The following MROH2B variants were observed in gnomAD, a reference collection of about 807,000 sequenced individuals.
The protein encoded by MROH2B is maestro heat-like repeat-containing protein family member 2B.
In MROH2B, 177 loss-of-function variants were observed where a neutral mutation model predicts 208.6. The ratio of observed to expected loss-of-function variants is 0.85; its 90% CI spans 0.75 to 0.96. The LOEUF (loss-of-function observed/expected upper bound fraction) is 0.96, where lower values mean the gene tolerates loss of function less well. Ranked by LOEUF, MROH2B falls within the 40% of genes least tolerant of loss-of-function variation. MROH2B has a pLI of 0.00. For synonymous variants in MROH2B, 728 were observed against 659.0 expected (o/e 1.10, Z -1.60); for missense variants, 2,002 against 1,878.7 (o/e 1.07, Z -1.21).
intron 33 of MROH2B, among the ~76,000 whole-genome samples, chr5:41,008,077 G>T (rs1318023886): frequency 2.0e-5 from 3 of 152,156 alleles, no homozygotes; most frequent in African/African-American, 7.2e-5. Flanking sequence ...GATGGGATAT[G>T]AAATGAAAAT....
intron 24 of MROH2B, among the ~76,000 whole-genome samples, chr5:41,030,937 A>G (rs529964894): frequency 5.3e-5 from 8 of 152,300 alleles, no homozygotes; most frequent in African/African-American, 1.7e-4. Context: ...CTAAAAACTA[A>G]GAAAAGTATG....
At chr5:41,016,498 G>GTTTTTTTTTTT (rs10689623) in intron 28 of MROH2B, among the ~76,000 whole-genome samples, 3 of 80,778 alleles carry the variant, frequency 3.7e-5, no homozygotes, top group Admixed American at 2.0e-4. Flanking sequence ...CTACTGTAAT[G>GTTTTTTTTTTT]TTTTTTTTTT....
At chr5:41,006,984 A>T (rs1252099580) in intron 34 of MROH2B, among the ~76,000 whole-genome samples, 1 of 149,476 alleles carries the variant, frequency 6.7e-6, no homozygotes, top group East Asian at 2.0e-4. Flanking sequence ...ACCTACTGAA[A>T]TAAAAAAATA....
intron 19 of MROH2B, among the ~76,000 whole-genome samples, chr5:41,040,074 G>A (rs1742895769): frequency 6.6e-6 from 1 of 152,138 alleles, no homozygotes; most frequent in Non-Finnish European, 1.5e-5. Flanking sequence ...GGAGGTGGCG[G>A]GTTCATTACA....
At chr5:41,009,849 A>G in intron 31 of MROH2B, 73 bp downstream of exon 31, 1 of 1,457,742 alleles carries the variant, frequency 6.9e-7, no homozygotes, top group Non-Finnish European at 9.2e-7. Context: ...TTGCTCTCAA[A>G]CCGTAAATCC....
At chr5:41,029,443 T>C (rs578189417) in intron 24 of MROH2B, among the ~76,000 whole-genome samples, 1 of 152,278 alleles carries the variant, frequency 6.6e-6, no homozygotes, top group South Asian at 2.1e-4. Flanking sequence ...TTGTTGACTA[T>C]TCCCTTTGTG....
At chr5:41,054,444 T>G (rs570376627) in intron 11 of MROH2B, among the ~76,000 whole-genome samples, 1 of 152,360 alleles carries the variant, frequency 6.6e-6, no homozygotes, top group South Asian at 2.1e-4. Flanking sequence ...AAGTAATTTT[T>G]AAACTATTTG....
At position 41,054,960 on chromosome 5, in the gene MROH2B, C is replaced by G; in HGVS notation, c.1034-120G>C. 4.9e-6 allele frequency: 3 copies of G among 617,920 alleles called. No individual in the cohort carries two copies. In the South Asian group the frequency reaches 1.1e-4, roughly 22 times the overall value. 38.3% of individuals were successfully genotyped at this position (617,920 alleles called of 1,614,324 possible). A position where few individuals can be genotyped will look rare whatever the true frequency, so the allele number is the denominator to read the frequency against. Reference sequence around the variant, plus strand: ...TTGTGAAATCTCTTGTTTTTAACAACCTATTTGTTTTTCAATGCCCTCCCA... The same window carrying G: ...TTGTGAAATCTCTTGTTTTTAACAAGCTATTTGTTTTTCAATGCCCTCCCA... On this transcript the variant is annotated intron_variant, in intron 10 of 41. Coordinates refer to ENST00000399564, the MANE Select transcript of MROH2B (RefSeq NM_173489.5).
At position 41,054,781 on chromosome 5, in the gene MROH2B, C is replaced by G. The variant is rs1300361832; in HGVS notation, c.1093G>C (p.Asp365His). Residue 365 changes from aspartate to histidine, a missense_variant, in exon 11 of 42, where the codon GAT (aspartate) becomes CAT (histidine). Physicochemically the swap from Asp to His is moderately conservative, Grantham distance 81. Transcript: ENST00000399564. ...AATTCTCTTACTTTTGTACTGAGAT[C>G]ACCCATGACGATTTTGACTGTTCTT... ...IERTVKIVMG[D>H]LSTKVRNSVL... 6.2e-7 allele frequency: 1 copy of G among 1,610,158 alleles called. No individual in the cohort carries two copies. The highest frequency in any genetic ancestry group is 8.5e-7 in the Non-Finnish European group (1 of 1,177,874).
rs1295610875 is a variant in MROH2B at position 41,038,731 on chromosome 5, A to G, written c.2214+5T>C. The G allele has an allele frequency of 3.9e-5, 63 of 1,604,766 alleles. No individual in the cohort carries two copies. Among genetic ancestry groups the G allele is most frequent in the Non-Finnish European group, 4.8e-5 (56 of 1,174,896 alleles). On this transcript the variant is annotated splice_donor_5th_base_variant and intron_variant, in intron 21 of 41. Coordinates refer to ENST00000399564, the MANE Select transcript of MROH2B (RefSeq NM_173489.5). ...AAATGGAGGCAGCCATGCAACGGGC[A>G]TTACCTGAGAGCACTGGCCATGAAG...
chr5:41,036,719 C>G (rs539373392), intron 21 of MROH2B, among the ~76,000 whole-genome samples: 2 of 152,172 alleles, frequency 1.3e-5, no homozygotes, highest in African/African-American at 2.4e-5. Context: ...TGTTGAGTAC[C>G]TTGCTCACTA....
At chr5:41,026,239 T>C (rs1305328116) in intron 24 of MROH2B, among the ~76,000 whole-genome samples, 2 of 152,170 alleles carry the variant, frequency 1.3e-5, no homozygotes, top group Non-Finnish European at 2.9e-5. Flanking sequence ...AAAGAGGAAG[T>C]CAAGTTGTCC....
chr5:41,038,966 G>T, intron 20 of MROH2B, 78 bp from the exon 21 acceptor site: 1 of 1,349,260 alleles, frequency 7.4e-7, no homozygotes, highest in Non-Finnish European at 1.0e-6. Context: ...TCCTAATCCT[G>T]TGGACCACTA....
intron 7 of MROH2B, among the ~76,000 whole-genome samples, chr5:41,057,787 G>T (rs1743509550): frequency 6.6e-6 from 1 of 151,504 alleles, no homozygotes; most frequent in Non-Finnish European, 1.5e-5. Context: ...TCAAACTCCT[G>T]ACCTCAAGTG....
At chr5:41,063,511 G>A (rs1743703595) in intron 5 of MROH2B, among the ~76,000 whole-genome samples, 2 of 152,128 alleles carry the variant, frequency 1.3e-5, no homozygotes, top group Admixed American at 6.5e-5. Context: ...CAGTGTCCAG[G>A]CACATAGCAA....
At chr5:41,041,368 T>C (rs565821591) in intron 19 of MROH2B, among the ~76,000 whole-genome samples, 9 of 152,298 alleles carry the variant, frequency 5.9e-5, no homozygotes, top group African/African-American at 2.2e-4. Flanking sequence ...GGCTCACACC[T>C]GTAATCCCAG....
intron 39 of MROH2B, 50 bp downstream of exon 39, chr5:41,000,170 C>T (rs1266905885): frequency 6.2e-7 from 1 of 1,608,328 alleles, no homozygotes; most frequent in Non-Finnish European, 8.5e-7. Context: ...TGCGATTTGT[C>T]TAGACCCTTG....
rs1007254835 is a variant in MROH2B, at chr5:41,042,103, C to T, written c.1942G>A (p.Asp648Asn). ...GCAAGGGGTCCCACCTGTCTTTGAT[C>T]CCCCAGTTGGTTGGGAGCAGTCAGA... Reference protein sequence around the residue: ...EFLTAPNQLGDQRQGITSILG... With the variant: ...EFLTAPNQLGNQRQGITSILG... The change falls in exon 19 of 42, where the codon GAT becomes AAT. Residue 648 changes from aspartate to asparagine, a missense_variant. By Grantham distance (23) the Asp-to-Asn change is conservative. Transcript: ENST00000399564. 3.8e-6 allele frequency: 6 copies of T among 1,582,748 alleles called. No homozygotes were observed. The highest frequency in any genetic ancestry group is 5.2e-6 in the Non-Finnish European group (6 of 1,161,700).
intron 37 of MROH2B, among the ~76,000 whole-genome samples, chr5:41,003,113 G>A (rs142693000): frequency 0.03 from 4,617 of 151,806 alleles, 269 homozygotes; most frequent in African/African-American, 0.11. Context: ...GGCGCGCACC[G>A]CCACACCCAG....
Sources: allele counts gnomAD v4.1 joint callset (sites outside exome capture counted in the v4.1 genomes callset), GRCh38; gene constraint gnomAD v4.1.1; transcripts MANE v1.5; gene names NCBI Gene and HGNC (gene_info 2026-07-23, HGNC 2026-07-21).